The following CACNA1D variants were observed in gnomAD, a reference collection of about 807,000 sequenced individuals.
The protein encoded by CACNA1D is calcium voltage-gated channel subunit alpha1 D.
CACNA1D carries 55 observed loss-of-function variants against 257.1 expected under a neutral mutation model. The observed-to-expected ratio is 0.21, with a 90% confidence interval of 0.17 to 0.27. The LOEUF (loss-of-function observed/expected upper bound fraction) is 0.27, where lower values mean the gene tolerates loss of function less well. Among genes scored for constraint, CACNA1D ranks in the 10% least tolerant of loss-of-function variants. The pLI, the probability that CACNA1D is intolerant of heterozygous loss-of-function variation, is 1.00. For missense variants in CACNA1D, 1,876 were observed against 2,784.0 expected, an observed-to-expected ratio of 0.67 and a Z score of 7.34; for synonymous variants, 980 against 1,014.9, an observed-to-expected ratio of 0.97 and a Z score of 0.65.
At chr3:53,620,366 T>C (rs1576118712) in intron 3 of CACNA1D, among the ~76,000 whole-genome samples, 1 of 152,314 alleles carries the variant, frequency 6.6e-6, no homozygotes, top group Middle Eastern at 3.4e-3. Flanking sequence ...TCATAGCTTA[T>C]TGCAGCCTTG....
At chr3:53,735,316 G>T in intron 19 of CACNA1D, 58 bp from the exon 20 acceptor site, 1 of 1,547,990 alleles carries the variant, frequency 6.5e-7, no homozygotes, top group South Asian at 1.1e-5. Context: ...CACTCTTAAG[G>T]ACCCAGTGTG....
chr3:53,521,830 C>T (rs565801387), intron 3 of CACNA1D, among the ~76,000 whole-genome samples: 2 of 152,066 alleles, frequency 1.3e-5, no homozygotes, highest in African/African-American at 4.8e-5. Flanking sequence ...GATTCTCAGT[C>T]ATAAAGCTGT....
At chr3:53,726,560 C>A (rs537427820) in intron 14 of CACNA1D, among the ~76,000 whole-genome samples, 1 of 152,226 alleles carries the variant, frequency 6.6e-6, no homozygotes, top group African/African-American at 2.4e-5. Context: ...TTGCTTGAAC[C>A]GGGGAGGTGG....
chr3:53,592,123 G>C (rs1004813968), intron 3 of CACNA1D, among the ~76,000 whole-genome samples: 2 of 152,236 alleles, frequency 1.3e-5, no homozygotes, highest in African/African-American at 4.8e-5. Flanking sequence ...CAGGGCTCCT[G>C]TTCTGGTGGA....
chr3:53,743,706 G>A (rs748005316), intron 22 of CACNA1D, among the ~76,000 whole-genome samples: 1 of 152,176 alleles, frequency 6.6e-6, no homozygotes, highest in Non-Finnish European at 1.5e-5. Context: ...CATCCCCAGG[G>A]GTGTGGGGCA....
In CACNA1D at chr3:53,801,320, A is replaced by G. The variant is rs2095534617; in HGVS notation, c.5303A>G (p.His1768Arg). The change falls in exon 42 of 48, where the codon CAT (histidine) becomes CGT (arginine). Residue 1768 changes from histidine to arginine, a missense_variant. By Grantham distance (29) the His-to-Arg change is conservative (BLOSUM62 0). Around this residue, in one of 10 missense-constraint regions of CACNA1D, gnomAD observed 491 missense variants for 554.3 expected, o/e 0.89. Coordinates refer to ENST00000350061, the MANE Select transcript of CACNA1D (RefSeq NM_001128840.3). Reference sequence around the variant, plus strand: ...AATGCCAATATGTCCAAAGCTGCCCATGGAAAGCGGCCCAGCATTGGGAAC... The same window carrying G: ...AATGCCAATATGTCCAAAGCTGCCCGTGGAAAGCGGCCCAGCATTGGGAAC... ...LNNANMSKAA[H>R]GKRPSIGNLE... 3 of 1,614,080 alleles carry G rather than the reference A, an allele frequency of 1.9e-6. No individual in the cohort carries two copies. Among genetic ancestry groups the G allele is most frequent in the Non-Finnish European group, 2.5e-6 (3 of 1,180,034 alleles).
intron 38 of CACNA1D, among the ~76,000 whole-genome samples, chr3:53,781,061 A>G (rs995824717): frequency 1.8e-4 from 27 of 152,260 alleles, no homozygotes; most frequent in African/African-American, 6.3e-4. Flanking sequence ...ATGGTCCTCT[A>G]TACTGACATG....
At position 53,800,776 on chromosome 3, in the gene CACNA1D, G is replaced by A. The variant is rs1186893917; in HGVS notation, c.5041-282G>A. The A allele has an allele frequency of 3.7e-6, 2 of 543,948 alleles. No homozygotes were observed. The highest frequency in any genetic ancestry group is 6.6e-5 in the East Asian group (2 of 30,410). The allele number at this position is 543,948 out of a possible 1,614,324, so 33.7% of individuals were successfully genotyped here. Reference sequence around the variant, plus strand: ...CTTGGGGCCACCAGCCAGCCCAGCTGGGTATAAGTCACCCCAACTTGGAGC... The same window carrying A: ...CTTGGGGCCACCAGCCAGCCCAGCTAGGTATAAGTCACCCCAACTTGGAGC... On this transcript the variant is annotated intron_variant, in intron 41 of 47. Transcript: ENST00000350061. The surrounding 1 kb of genome is among the most constrained non-coding windows in gnomAD (Gnocchi z 4.3).
chr3:53,756,320 G>A (rs1376553580), intron 29 of CACNA1D, among the ~76,000 whole-genome samples: 2 of 152,188 alleles, frequency 1.3e-5, no homozygotes, highest in Admixed American at 6.5e-5. Flanking sequence ...CAAGGTCATG[G>A]GAGATGAGAT....
intron 33 of CACNA1D, among the ~76,000 whole-genome samples, 169 bp downstream of exon 33, chr3:53,773,067 A>C (rs2095375349): frequency 6.6e-6 from 1 of 152,264 alleles, no homozygotes; most frequent in Non-Finnish European, 1.5e-5. Flanking sequence ...AGAGAGCTCC[A>C]GGGGAGGCCC....
rs3774523 is a variant in CACNA1D, at chr3:53,666,733, T to C, written c.1116+198T>C. Reference sequence around the variant, plus strand: ...CTTAGTTTCAGTTGCAGGAAGCTGCTGCGCGATGTTGGCTTCTGGCTTTAG... The same window carrying C: ...CTTAGTTTCAGTTGCAGGAAGCTGCCGCGCGATGTTGGCTTCTGGCTTTAG... On this transcript the variant is annotated intron_variant, in intron 7 of 47. Transcript: ENST00000350061. Among the ~76,000 whole-genome samples the C allele has an allele frequency of 0.015, 2,250 of 152,246 alleles. 143 individuals are homozygous for C. In the East Asian group the frequency reaches 0.15, roughly 10 times the overall value.
At chr3:53,752,051 T>C (rs2095230638) in intron 28 of CACNA1D, 144 bp downstream of exon 28, 1 of 805,492 alleles carries the variant, frequency 1.2e-6, no homozygotes, top group Non-Finnish European at 2.2e-6. Context: ...CAGAGTTCTG[T>C]TCTGGCTGAC....
chr3:53,533,455 T>A (rs2092014312), intron 3 of CACNA1D, among the ~76,000 whole-genome samples: 1 of 152,196 alleles, frequency 6.6e-6, no homozygotes, highest in African/African-American at 2.4e-5. Context: ...TATCAGATGG[T>A]CTTTGCAGCT....
chr3:53,521,962 C>CA (rs34352856), intron 3 of CACNA1D, among the ~76,000 whole-genome samples: 44,419 of 125,304 alleles, frequency 0.35, 7,265 homozygotes, highest in African/African-American at 0.42. Context: ...CCATCTCTAC[C>CA]AAAAAAAAAA....
intron 8 of CACNA1D, among the ~76,000 whole-genome samples, chr3:53,683,658 T>C (rs2094451062): frequency 1.3e-5 from 2 of 152,196 alleles, no homozygotes; most frequent in South Asian, 4.1e-4. Context: ...ACTATGAGCC[T>C]GTTTAAGGAA....
intron 4 of CACNA1D, among the ~76,000 whole-genome samples, chr3:53,651,703 A>G (rs2094099180): frequency 6.6e-6 from 1 of 152,242 alleles, no homozygotes; most frequent in Non-Finnish European, 1.5e-5. Context: ...AAGATAAGAT[A>G]TATCCTTTTT....
At chr3:53,714,893 G>T (rs1004729385) in intron 9 of CACNA1D, among the ~76,000 whole-genome samples, 4 of 151,902 alleles carry the variant, frequency 2.6e-5, no homozygotes, top group Non-Finnish European at 5.9e-5. Flanking sequence ...ATCCTATTGG[G>T]GCTAAAGGAA....
At chr3:53,606,030 C>A (rs1354013958) in intron 3 of CACNA1D, among the ~76,000 whole-genome samples, 1 of 152,076 alleles carries the variant, frequency 6.6e-6, no homozygotes, top group African/African-American at 2.4e-5. Flanking sequence ...TTAAATGGGC[C>A]CAGGAGGCAA....
intron 3 of CACNA1D, among the ~76,000 whole-genome samples, chr3:53,644,443 A>G (rs2093997864): frequency 6.6e-6 from 1 of 152,122 alleles, no homozygotes; most frequent in Non-Finnish European, 1.5e-5. Flanking sequence ...TATACTTTGA[A>G]ATTTTTTATA....
Sources: allele counts gnomAD v4.1 joint callset (sites outside exome capture counted in the v4.1 genomes callset), GRCh38; gene constraint gnomAD v4.1.1; regional missense constraint gnomAD v4.1.1; non-coding constraint Gnocchi (gnomAD v3.1); transcripts MANE v1.5; gene names NCBI Gene and HGNC (gene_info 2026-07-23, HGNC 2026-07-21).